Variants in IL3RA observed in about 807,000 individuals in gnomAD.
IL3RA encodes the protein interleukin 3 receptor subunit alpha.
IL3RA carries 73 observed loss-of-function variants against 52.3 expected under a neutral mutation model. The observed-to-expected ratio is 1.40, with a 90% CI of 1.16 to 1.70. IL3RA has a LOEUF of 1.70. IL3RA is among the 40% of genes most tolerant of loss of function. The pLI, the probability that IL3RA is intolerant of heterozygous loss-of-function variation, is 0.00. For synonymous variants in IL3RA, 260 were observed against 194.0 expected (o/e 1.34, Z -2.83); for missense variants, 664 against 504.4 (o/e 1.32, Z -3.03).
At chrX:1,347,241 C>G (rs371665611) in intron 3 of IL3RA, among the ~76,000 whole-genome samples, 1 of 150,100 alleles carries the variant, frequency 6.7e-6, no homozygotes, top group African/African-American at 2.5e-5. Context: ...GTCAGGAGAT[C>G]GAGACCCTCC....
rs372392080 is a variant in IL3RA, at chrX:1,345,177, T to A, written c.65-139T>A. 302 of 546,308 alleles carry A rather than the reference T, an allele frequency of 5.5e-4. 4 individuals are homozygous for A. The East Asian group carries it at 7.1e-3, about 13-fold the overall frequency. The allele number at this position is 546,308 out of a possible 1,614,324, so 33.8% of individuals were successfully genotyped here. A position where few individuals can be genotyped will look rare whatever the true frequency, so the allele number is the denominator to read the frequency against. The stretch of plus-strand genomic sequence containing the variant: ...GAGTGAAACTCCATGTCAAAAAATT[T>A]AAAAAAATTAAATAAAAGAACTCCA... On this transcript the variant is annotated intron_variant, in intron 2 of 11. Transcript: ENST00000331035.
intron 1 of IL3RA, among the ~76,000 whole-genome samples, chrX:1,340,666 G>C (rs1255526040): frequency 6.6e-6 from 1 of 152,132 alleles, no homozygotes; most frequent in Admixed American, 6.6e-5. Context: ...CAAACACAAA[G>C]ACTGTGTGTA....
At chrX:1,360,014 T>C (rs1317269319) in intron 8 of IL3RA, among the ~76,000 whole-genome samples, 2 of 144,126 alleles carry the variant, frequency 1.4e-5, no homozygotes, top group African/African-American at 2.5e-5. Flanking sequence ...CCCCGGTCTC[T>C]ATCTTCCCTT....
At chrX:1,347,201 C>G (rs1463998750) in intron 3 of IL3RA, among the ~76,000 whole-genome samples, 3 of 150,632 alleles carry the variant, frequency 2.0e-5, no homozygotes, top group African/African-American at 4.9e-5. Flanking sequence ...CATCCCAGCA[C>G]TTTGGAGGCC....
At position 1,361,691 on chromosome X, in the gene IL3RA, T is replaced by C. The variant is rs2087391255; in HGVS notation, c.759+2804T>C. On this transcript the variant is annotated intron_variant, in intron 8 of 11. Coordinates refer to ENST00000331035, the MANE Select transcript of IL3RA (RefSeq NM_002183.4). ...TCGCTTGAACCCGGGAGGCAGAGGT[T>C]GCAGTGAGTTGAGATCGCGCCACTG... is the stretch of plus-strand genomic sequence containing the variant. Among the ~76,000 whole-genome samples the C allele has an allele frequency of 3.4e-5, 5 of 145,168 alleles. No individual in the cohort carries two copies. In the South Asian group the frequency reaches 1.1e-3, roughly 31 times the overall value.
rs370651889 is a variant in IL3RA, at chrX:1,360,201, T to G, written c.759+1314T>G. 7.2e-3 allele frequency among the ~76,000 whole-genome samples: 904 copies of G among 125,860 alleles called. 12 individuals are homozygous for G. The highest frequency in any genetic ancestry group is 0.023 in the African/African-American group (825 of 35,128). 82.6% of individuals were successfully genotyped at this position (125,860 alleles called of 152,430 possible). On this transcript the variant is annotated intron_variant, in intron 8 of 11. Transcript: ENST00000331035. Reference sequence around the variant, plus strand: ...TTTCTCTCTCTCTCCCGGTCTCTATTTCCTCCCTCCCCATCTCTTTCTCTG... The same window carrying G: ...TTTCTCTCTCTCTCCCGGTCTCTATGTCCTCCCTCCCCATCTCTTTCTCTG...
chrX:1,352,337 C>G lies in IL3RA; in HGVS notation c.447C>G (p.Tyr149Ter). 6.2e-7 allele frequency: 1 copy of G among 1,613,852 alleles called. No individual in the cohort carries two copies. The highest frequency in any genetic ancestry group is 8.5e-7 in the Non-Finnish European group (1 of 1,179,844). The change falls in exon 6 of 12, where the codon TAC (tyrosine) becomes TAG (stop). Residue 149 changes from tyrosine to a stop codon, truncating the protein, a stop_gained. Transcript: ENST00000331035. LOFTEE classifies it high-confidence loss of function. ...YLNVANRRQQ[Y>*]ECLHYKTDAQ... Reference sequence around the variant, plus strand: ...CTTACCGCAGCAGGCGTCAACAGTACGAGTGTCTTCACTACAAAACGGATG... The same window carrying G: ...CTTACCGCAGCAGGCGTCAACAGTAGGAGTGTCTTCACTACAAAACGGATG...
intron 4 of IL3RA, among the ~76,000 whole-genome samples, chrX:1,349,998 C>T (rs1180109308): frequency 6.6e-6 from 1 of 151,830 alleles, no homozygotes; most frequent in East Asian, 1.9e-4. Context: ...GGAGTTATGC[C>T]GAGTCGGAAA....
At chrX:1,341,653 G>A (rs1265945028) in intron 1 of IL3RA, 75 bp from the exon 2 acceptor site, 5 of 1,132,662 alleles carry the variant, frequency 4.4e-6, no homozygotes, top group African/African-American at 3.0e-5. Flanking sequence ...GCTCTGGAAG[G>A]GGCAAGCATC....
At chrX:1,341,627 C>A in intron 1 of IL3RA, 101 bp from the exon 2 acceptor site, 1 of 853,964 alleles carries the variant, frequency 1.2e-6, no homozygotes, top group Non-Finnish European at 1.9e-6. Flanking sequence ...GCAGCTCCTT[C>A]TGCTGTGAGC....
At chrX:1,343,759 TTC>T (rs1217702797) in intron 2 of IL3RA, among the ~76,000 whole-genome samples, 1 of 146,384 alleles carries the variant, frequency 6.8e-6, no homozygotes, top group Non-Finnish European at 1.5e-5. Context: ...AAGAGAGACC[TTC>T]TTTTTCTTTC....
chrX:1,374,020 C>T (rs1453324940), intron 9 of IL3RA, among the ~76,000 whole-genome samples: 1 of 43,918 alleles, frequency 2.3e-5, no homozygotes, highest in Non-Finnish European at 3.5e-5. Flanking sequence ...TAAGACATCC[C>T]ATAAAAAGGA....
intron 9 of IL3RA, 119 bp from the exon 10 acceptor site, chrX:1,378,540 T>A (rs1471333692): frequency 6.0e-6 from 5 of 831,978 alleles, no homozygotes; most frequent in Non-Finnish European, 9.8e-6. Context: ...TGTCCCCCCC[T>A]GGACGCCACC....
intron 9 of IL3RA, among the ~76,000 whole-genome samples, chrX:1,365,512 G>C (rs1317804937): frequency 2.0e-5 from 1 of 49,076 alleles, no homozygotes; most frequent in East Asian, 4.4e-4. Flanking sequence ...CGGGTGAGCG[G>C]GGTGCGCGGG....
chrX:1,378,193 A>G (rs187421063), intron 9 of IL3RA, among the ~76,000 whole-genome samples: 3,555 of 149,956 alleles, frequency 0.024, 172 homozygotes, highest in African/African-American at 0.084. Flanking sequence ...AAAAAAAAAA[A>G]AAAAAGAAAA....
chrX:1,379,671 G>A (rs1262520425), intron 10 of IL3RA, among the ~76,000 whole-genome samples: 2 of 152,250 alleles, frequency 1.3e-5, no homozygotes, highest in South Asian at 2.1e-4. Context: ...GGGCCTGGGC[G>A]AACGTCACAG....
chrX:1,350,360 C>T (rs771317454), intron 4 of IL3RA, among the ~76,000 whole-genome samples: 330 of 147,960 alleles, frequency 2.2e-3, no homozygotes, highest in African/African-American at 7.3e-3. Context: ...GAGGCCGAGG[C>T]AGGCGGATCA....
intron 2 of IL3RA, among the ~76,000 whole-genome samples, chrX:1,344,358 C>T (rs754567443): frequency 1.1e-4 from 16 of 151,982 alleles, no homozygotes; most frequent in Admixed American, 1.3e-4. Context: ...CGCTTGAACC[C>T]GGGAGGCGGA....
In IL3RA at chrX:1,358,971, TATTA is replaced by T. The variant is rs1274567321; in HGVS notation, c.759+87_759+90del. ...TTATTAAGAATAAAATGATAAAAAATATTAATAATTCTTATTAATAAAATAATGA... is the reference window on the plus strand; with the variant it reads ...TTATTAAGAATAAAATGATAAAAAATATAATTCTTATTAATAAAATAATGA... On this transcript the variant is annotated intron_variant, in intron 8 of 11. Transcript: ENST00000331035. 6 of 931,238 alleles carry T rather than the reference TATTA, an allele frequency of 6.4e-6. No individual in the cohort carries two copies. In the Admixed American group the frequency reaches 1.4e-4, roughly 22 times the overall value. The allele number at this position is 931,238 out of a possible 1,614,324, so 57.7% of individuals were successfully genotyped here. A position where few individuals can be genotyped will look rare whatever the true frequency, so the allele number is the denominator to read the frequency against.
Sources: allele counts gnomAD v4.1 joint callset (sites outside exome capture counted in the v4.1 genomes callset), GRCh38; gene constraint gnomAD v4.1.1; transcripts MANE v1.5; gene names NCBI Gene and HGNC (gene_info 2026-07-23, HGNC 2026-07-21).